CLPB: variants seen among roughly 807,000 people sequenced by gnomAD.
CLPB encodes the protein mitochondrial disaggregase.
Under a neutral mutation model 78.4 loss-of-function variants are expected in CLPB, and 40 were observed. That is an observed-to-expected ratio of 0.51 (90% CI 0.40 to 0.66). The LOEUF (loss-of-function observed/expected upper bound fraction) is 0.66, where lower values mean the gene tolerates loss of function less well. CLPB is among the 30% of genes least tolerant of loss of function. CLPB has a pLI of 0.00. For synonymous variants in CLPB, 333 were observed against 348.0 expected (o/e 0.96, Z 0.48); for missense variants, 780 against 886.9 (o/e 0.88, Z 1.53).
intron 3 of CLPB, among the ~76,000 whole-genome samples, chr11:72,386,860 T>C (rs1233922112): frequency 3.3e-5 from 5 of 152,182 alleles, no homozygotes; most frequent in African/African-American, 7.2e-5. Context: ...TGGGTTCTCA[T>C]TTGGAGACTA....
chr11:72,380,287 A>C lies in CLPB; in HGVS notation c.640T>G (p.Leu214Val), dbSNP rs2135677051. 6.2e-7 allele frequency: 1 copy of C among 1,613,212 alleles called. No individual in the cohort carries two copies. Among genetic ancestry groups the C allele is most frequent in the South Asian group, 1.1e-5 (1 of 91,068 alleles). Reference protein sequence around the residue: ...KTAKEQGIHSLEVLITREDDF... With the variant: ...KTAKEQGIHSVEVLITREDDF... ...CAGGACAGCCCACACTTACCTTCCA[A>C]AGAATGGATTCCCTGTTCCTTGGCA... is the stretch of plus-strand genomic sequence containing the variant. The change falls in exon 4 of 16, where the codon TTG becomes GTG. Residue 214 changes from leucine to valine, a missense_variant. Leu to Val is a conservative substitution (Grantham distance 32). This residue lies in a region of CLPB where 417 missense variants were observed against 414.7 expected (regional missense o/e 1.01). Transcript: ENST00000538039.
chr11:72,413,720 A>C (rs529669873), intron 2 of CLPB, among the ~76,000 whole-genome samples: 2 of 152,290 alleles, frequency 1.3e-5, no homozygotes, highest in Non-Finnish European at 2.9e-5. Context: ...TAGTTCTTCA[A>C]CCTTTCTTTG....
Position 72,286,223 on chromosome 11 carries a change from G to GTTTTTTTTTTTTTTTTTTTTTTTTTTTTT in CLPB, c.*7143_*7144insAAAAAAAAAAAAAAAAAAAAAAAAAAAAA, listed in dbSNP as rs999235579. Reference sequence around the variant, plus strand: ...ATTACAGGTGTGAGATACTGCACCTGTTTTTTTTTTTTTTTTTTTTTTTAA... The same window carrying GTTTTTTTTTTTTTTTTTTTTTTTTTTTTT: ...ATTACAGGTGTGAGATACTGCACCTGTTTTTTTTTTTTTTTTTTTTTTTTTTTTTTTTTTTTTTTTTTTTTTTTTTTTAA... On this transcript the variant is annotated 3_prime_UTR_variant, in exon 16 of 16. Transcript: ENST00000538039. 8.3e-5 allele frequency: 5 copies of GTTTTTTTTTTTTTTTTTTTTTTTTTTTTT among 60,464 alleles called. 1 individual carries two copies. The highest frequency in any genetic ancestry group is 7.6e-4 in the South Asian group (1 of 1,314). 3.7% of individuals were successfully genotyped at this position (60,464 alleles called of 1,614,324 possible). A position where few individuals can be genotyped will look rare whatever the true frequency, so the allele number is the denominator to read the frequency against.
rs1472981325 is a variant in CLPB at position 72,290,144 on chromosome 11, G to A, written c.*3223C>T. 4 of 152,110 alleles carry A rather than the reference G, an allele frequency of 2.6e-5. No homozygotes were observed. Among genetic ancestry groups the A allele is most frequent in the African/African-American group, 9.7e-5 (4 of 41,394 alleles). The allele number at this position is 152,110 out of a possible 1,614,324, so 9.4% of individuals were successfully genotyped here. A position where few individuals can be genotyped will look rare whatever the true frequency, so the allele number is the denominator to read the frequency against. ...CTTCTTAGAGAATGACTGATGCCAG[G>A]GCTGAGATAGGGAAAATGTGAGGAA... is the stretch of plus-strand genomic sequence containing the variant. On this transcript the variant is annotated 3_prime_UTR_variant, in exon 16 of 16. Transcript: ENST00000538039.
In CLPB at chr11:72,293,241, G is replaced by GATTA. The variant is rs2135483002; in HGVS notation, c.*125_*126insTAAT. On this transcript the variant is annotated 3_prime_UTR_variant, in exon 16 of 16. Coordinates refer to ENST00000538039, the MANE Select transcript of CLPB (RefSeq NM_001258392.3). ...AGAAGGGGTCTTCATGGGCTGTGAG[G>GATTA]AGGTAAGCAGGCCTGAGACTGGGTA... 2 of 1,206,342 alleles carry GATTA rather than the reference G, an allele frequency of 1.7e-6. No individual in the cohort carries two copies. Among genetic ancestry groups the GATTA allele is most frequent in the Non-Finnish European group, 2.3e-6 (2 of 856,968 alleles). The allele number at this position is 1,206,342 out of a possible 1,614,324, so 74.7% of individuals were successfully genotyped here.
chr11:72,427,299 AG>A (rs1023690346), intron 2 of CLPB, among the ~76,000 whole-genome samples: 42 of 152,284 alleles, frequency 2.8e-4, no homozygotes, highest in African/African-American at 9.9e-4. Flanking sequence ...CACAGTACAG[AG>A]CCCCAGAGAG....
intron 2 of CLPB, among the ~76,000 whole-genome samples, chr11:72,406,034 C>A (rs1855700116): frequency 6.6e-6 from 1 of 152,102 alleles, no homozygotes; most frequent in South Asian, 2.1e-4. Flanking sequence ...TAGCTTCCCA[C>A]CAAAGGCAGT....
At chr11:72,372,002 T>C (rs1951051048) in intron 4 of CLPB, among the ~76,000 whole-genome samples, 2 of 152,236 alleles carry the variant, frequency 1.3e-5, no homozygotes, top group South Asian at 4.1e-4. Flanking sequence ...CACAATGCCT[T>C]GTATTTTCTC....
At chr11:72,365,769 C>T (rs1334007009) in intron 4 of CLPB, among the ~76,000 whole-genome samples, 2 of 152,200 alleles carry the variant, frequency 1.3e-5, no homozygotes, top group Non-Finnish European at 2.9e-5. Context: ...CTATACCCAA[C>T]TGATCTTCAA....
At chr11:72,365,956 TAGA>T (rs1399904874) in intron 4 of CLPB, among the ~76,000 whole-genome samples, 1 of 152,192 alleles carries the variant, frequency 6.6e-6, no homozygotes, top group African/African-American at 2.4e-5. Flanking sequence ...ATAAAAATCC[TAGA>T]AGAAAACCTA....
intron 5 of CLPB, among the ~76,000 whole-genome samples, chr11:72,351,193 G>A (rs1431251613): frequency 6.6e-6 from 1 of 152,258 alleles, no homozygotes; most frequent in East Asian, 1.9e-4. Context: ...AGAGAAGGGT[G>A]AGATGTGGCA....
At chr11:72,336,045 C>T (rs1950316054) in intron 5 of CLPB, among the ~76,000 whole-genome samples, 1 of 151,878 alleles carries the variant, frequency 6.6e-6, no homozygotes, top group African/African-American at 2.4e-5. Context: ...GAGAGAGGCC[C>T]ACCTGCCTTT....
At chr11:72,357,938 G>C (rs1950751438) in intron 5 of CLPB, among the ~76,000 whole-genome samples, 2 of 152,116 alleles carry the variant, frequency 1.3e-5, no homozygotes, top group Admixed American at 6.5e-5. Flanking sequence ...GAGGATCCCT[G>C]GCCCTCAAAA....
chr11:72,423,930 T>A (rs1278888039), intron 2 of CLPB, among the ~76,000 whole-genome samples: 1 of 152,230 alleles, frequency 6.6e-6, no homozygotes, highest in Non-Finnish European at 1.5e-5. Flanking sequence ...CTAACTGAAC[T>A]GTCTTCCGCC....
At chr11:72,433,066 G>T (rs1856593300) in intron 1 of CLPB, among the ~76,000 whole-genome samples, 1 of 152,102 alleles carries the variant, frequency 6.6e-6, no homozygotes, top group Non-Finnish European at 1.5e-5. Flanking sequence ...GGATCAGCCA[G>T]TCCCCCAGCA....
chr11:72,430,442 C>G, intron 1 of CLPB, 79 bp from the exon 2 acceptor site: 10 of 1,259,502 alleles, frequency 7.9e-6, no homozygotes, highest in South Asian at 4.0e-5. Flanking sequence ...CCCACTAAGA[C>G]AGTGGCAGTA....
At chr11:72,331,138 C>T (rs1051921211) in intron 5 of CLPB, among the ~76,000 whole-genome samples, 1 of 151,682 alleles carries the variant, frequency 6.6e-6, no homozygotes, top group African/African-American at 2.4e-5. Context: ...GGTGTGGTGG[C>T]TCACGCCTGT....
chr11:72,349,868 C>T (rs551693639), intron 5 of CLPB, among the ~76,000 whole-genome samples: 17 of 152,320 alleles, frequency 1.1e-4, no homozygotes, highest in African/African-American at 3.8e-4. Flanking sequence ...CTGGCCCAGC[C>T]GATGCTGACC....
chr11:72,380,726 G>A (rs756376814), intron 3 of CLPB, among the ~76,000 whole-genome samples: 13 of 152,182 alleles, frequency 8.5e-5, no homozygotes, highest in Non-Finnish European at 1.6e-4. Context: ...CTTGGGACAA[G>A]TTACTTAACA....
Sources: allele counts gnomAD v4.1 joint callset (sites outside exome capture counted in the v4.1 genomes callset), GRCh38; gene constraint gnomAD v4.1.1; regional missense constraint gnomAD v4.1.1; transcripts MANE v1.5; gene names NCBI Gene and HGNC (gene_info 2026-07-23, HGNC 2026-07-21).